Variants in MAGI2 observed in about 807,000 individuals in gnomAD.
MAGI2 encodes the protein membrane-associated guanylate kinase, WW and PDZ domain-containing protein 2.
In MAGI2, 35 loss-of-function variants were observed where a neutral mutation model predicts 133.3. That is an observed-to-expected ratio of 0.26 (90% CI 0.20 to 0.35). The LOEUF (loss-of-function observed/expected upper bound fraction) is 0.35, where lower values mean the gene tolerates loss of function less well. MAGI2 is among the 10% of genes least tolerant of loss of function. The probability of loss-of-function intolerance (pLI) is 1.00; values close to 1 mark genes in which losing one functional copy is unlikely to be tolerated. For missense variants in MAGI2, 1,636 were observed against 1,863.4 expected, an observed-to-expected ratio of 0.88 and a Z score of 2.25; for synonymous variants, 729 against 710.6, an observed-to-expected ratio of 1.03 and a Z score of -0.41.
At chr7:78,178,128 T>C in intron 13 of MAGI2, 26 bp from the exon 14 acceptor site, 1 of 1,414,702 alleles carries the variant, frequency 7.1e-7, no homozygotes, top group Non-Finnish European at 1.0e-6. Context: ...TCCCATTGAG[T>C]AATGAATCCT....
intron 9 of MAGI2, among the ~76,000 whole-genome samples, chr7:78,295,941 A>G (rs1461998407): frequency 6.6e-6 from 1 of 152,078 alleles, no homozygotes; most frequent in Non-Finnish European, 1.5e-5. Context: ...TCTTACTCCA[A>G]TAATTCAAAA....
chr7:78,641,534 C>T (rs944618837), intron 2 of MAGI2, among the ~76,000 whole-genome samples: 5 of 152,088 alleles, frequency 3.3e-5, no homozygotes, highest in African/African-American at 4.8e-5. Flanking sequence ...ATTAGGTTTT[C>T]GATGCTTTGT....
At chr7:79,360,856 G>T (rs1585702671) in intron 1 of MAGI2, among the ~76,000 whole-genome samples, 1 of 151,668 alleles carries the variant, frequency 6.6e-6, no homozygotes, top group Non-Finnish European at 1.5e-5. Flanking sequence ...GAAATAAGGT[G>T]GTAGATTTAA....
intron 1 of MAGI2, among the ~76,000 whole-genome samples, chr7:79,015,033 C>G (rs188727944): frequency 1.3e-5 from 2 of 152,216 alleles, no homozygotes; most frequent in East Asian, 3.9e-4. Flanking sequence ...ATTCATAAAA[C>G]TAAAAGTGAA....
At chr7:78,124,861 C>CTTT (rs10707820) in intron 20 of MAGI2, among the ~76,000 whole-genome samples, 16 of 137,428 alleles carry the variant, frequency 1.2e-4, no homozygotes, top group Non-Finnish European at 1.6e-4. Flanking sequence ...TAGCTGCTGT[C>CTTT]TTTTTTTTTT....
rs114749721 is a variant in MAGI2, at chr7:78,250,374, T to G, written c.2047+5569A>C. ...AAAGGGAAACACAACATAGTAAAAT[T>G]TATGGAATTTAGCTAAAGAAGTAGT... is the stretch of plus-strand genomic sequence containing the variant. On this transcript the variant is annotated intron_variant, in intron 10 of 21. Transcript: ENST00000354212. Among the ~76,000 whole-genome samples, 430 of 152,138 alleles carry G rather than the reference T, an allele frequency of 2.8e-3. 2 individuals carry two copies. Among genetic ancestry groups the G allele is most frequent in the African/African-American group, 0.01 (417 of 41,548 alleles).
At chr7:79,098,248 G>A (rs1817680309) in intron 1 of MAGI2, among the ~76,000 whole-genome samples, 1 of 152,168 alleles carries the variant, frequency 6.6e-6, no homozygotes, top group Non-Finnish European at 1.5e-5. Context: ...TTTGCTGAAG[G>A]TAAATGGGGA....
At chr7:79,352,230 A>G (rs568043856) in intron 1 of MAGI2, among the ~76,000 whole-genome samples, 2 of 152,234 alleles carry the variant, frequency 1.3e-5, no homozygotes, top group Non-Finnish European at 2.9e-5. Flanking sequence ...AGCTCAGAAT[A>G]TCAATTATGC....
At chr7:78,085,758 A>T (rs559396903) in intron 20 of MAGI2, among the ~76,000 whole-genome samples, 6 of 152,254 alleles carry the variant, frequency 3.9e-5, no homozygotes, top group Non-Finnish European at 7.4e-5. Context: ...AAAAGCTGCT[A>T]TTGGAAGTGA....
At chr7:79,195,772 T>A (rs1218962577) in intron 1 of MAGI2, among the ~76,000 whole-genome samples, 2 of 149,762 alleles carry the variant, frequency 1.3e-5, no homozygotes, top group African/African-American at 5.1e-5. Flanking sequence ...CCAGCATCAA[T>A]CTAATACTAA....
intron 1 of MAGI2, among the ~76,000 whole-genome samples, chr7:79,374,518 G>A (rs1843256088): frequency 6.6e-6 from 1 of 152,048 alleles, no homozygotes; most frequent in African/African-American, 2.4e-5. Flanking sequence ...CCAGAGCTGT[G>A]AGAAAATGAA....
chr7:78,531,618 G>A (rs1797481289), intron 3 of MAGI2, among the ~76,000 whole-genome samples: 1 of 152,064 alleles, frequency 6.6e-6, no homozygotes, highest in Admixed American at 6.5e-5. Context: ...ATTTATAAAT[G>A]GGCATTTGTA....
chr7:78,918,994 A>G (rs565134758), intron 2 of MAGI2, among the ~76,000 whole-genome samples: 2 of 152,294 alleles, frequency 1.3e-5, no homozygotes, highest in East Asian at 3.9e-4. Context: ...AAAAATGTAT[A>G]TTAGATTCTG....
At chr7:78,935,167 C>T (rs889523538) in intron 2 of MAGI2, among the ~76,000 whole-genome samples, 1 of 152,136 alleles carries the variant, frequency 6.6e-6, no homozygotes, top group South Asian at 2.1e-4. Flanking sequence ...ACAAATCACA[C>T]CACAAATGTA....
chr7:79,116,258 C>G (rs1320714386), intron 1 of MAGI2, among the ~76,000 whole-genome samples: 2 of 152,126 alleles, frequency 1.3e-5, no homozygotes, highest in Non-Finnish European at 2.9e-5. Context: ...GGCTAAGGCT[C>G]CCATAACATC....
At chr7:78,810,501 A>T (rs1229840110) in intron 2 of MAGI2, among the ~76,000 whole-genome samples, 1 of 152,188 alleles carries the variant, frequency 6.6e-6, no homozygotes, top group Non-Finnish European at 1.5e-5. Context: ...TCCTCAGATT[A>T]TGAGAATACA....
Position 79,453,069 on chromosome 7 carries a change from G to C in MAGI2, c.252C>G (p.Ala84=), listed in dbSNP as rs775060537. ...VAGLTIRDVL[A]VIKHCKDPLR... ...GGGGGTCCTTGCAGTGTTTGATCAC[G>C]GCCAGCACGTCCCTGATGGTGAGCC... Residue 84 remains alanine, a synonymous_variant, in exon 1 of 22, where the codon GCC becomes GCG. Coordinates refer to ENST00000354212, the MANE Select transcript of MAGI2 (RefSeq NM_012301.4). The C allele has an allele frequency of 9.9e-6, 16 of 1,612,464 alleles. No homozygotes were observed. The South Asian group carries it at 1.1e-4, about 11-fold the overall frequency.
intron 2 of MAGI2, among the ~76,000 whole-genome samples, chr7:78,769,514 G>T (rs200978176): frequency 6.9e-6 from 1 of 144,586 alleles, no homozygotes; most frequent in Admixed American, 6.9e-5. Context: ...CCATTCAAGC[G>T]AGATTTAAAA....
At chr7:79,067,294 T>C (rs1240976087) in intron 1 of MAGI2, among the ~76,000 whole-genome samples, 3 of 152,182 alleles carry the variant, frequency 2.0e-5, no homozygotes, top group Non-Finnish European at 1.5e-5. Context: ...CAGTGGTTTG[T>C]AGTTCTCCTT....
Sources: gnomAD v4.1 joint callset for allele counts (sites outside exome capture counted in the v4.1 genomes callset) on GRCh38, gnomAD v4.1.1 for gene constraint, MANE v1.5 for transcripts, NCBI Gene and HGNC (gene_info 2026-07-23, HGNC 2026-07-21) for gene names.